The following PTPRK variants were observed in gnomAD, a reference collection of about 807,000 sequenced individuals.
The protein encoded by PTPRK is receptor-type tyrosine-protein phosphatase kappa.
A neutral mutation model predicts 178.0 loss-of-function variants in PTPRK; 75 were observed. That is an observed-to-expected ratio of 0.42 (90% CI 0.35 to 0.51). The LOEUF (loss-of-function observed/expected upper bound fraction) is 0.51. Among genes scored for constraint, PTPRK ranks in the 20% least tolerant of loss-of-function variants. The pLI is 0.02. For missense variants in PTPRK, 1,441 were observed against 1,797.8 expected, an observed-to-expected ratio of 0.80 and a Z score of 3.59; for synonymous variants, 637 against 620.6, an observed-to-expected ratio of 1.03 and a Z score of -0.39.
intron 1 of PTPRK, among the ~76,000 whole-genome samples, chr6:128,405,798 C>A (rs1841581443): frequency 6.6e-6 from 1 of 151,722 alleles, no homozygotes; most frequent in Non-Finnish European, 1.5e-5. Flanking sequence ...AATTCCGTGA[C>A]CCAACCTCCT....
At chr6:128,152,276 G>A (rs1306558122) in intron 7 of PTPRK, among the ~76,000 whole-genome samples, 2 of 152,034 alleles carry the variant, frequency 1.3e-5, no homozygotes, top group East Asian at 3.9e-4. Context: ...AGAGCCACCA[G>A]CTGCTCTCAG....
At chr6:128,460,695 A>T (rs1372376839) in intron 1 of PTPRK, among the ~76,000 whole-genome samples, 1 of 152,226 alleles carries the variant, frequency 6.6e-6, no homozygotes, top group African/African-American at 2.4e-5. Context: ...ATCAAAGCAC[A>T]CCTAATTTAA....
At chr6:128,003,493 G>T (rs955271049) in intron 15 of PTPRK, among the ~76,000 whole-genome samples, 3 of 148,746 alleles carry the variant, frequency 2.0e-5, no homozygotes, top group Non-Finnish European at 3.0e-5. Flanking sequence ...AAAAATTAAA[G>T]AAAAAAAAAC....
At chr6:128,187,865 A>C (rs1803039439) in intron 6 of PTPRK, among the ~76,000 whole-genome samples, 1 of 152,168 alleles carries the variant, frequency 6.6e-6, no homozygotes, top group Non-Finnish European at 1.5e-5. Context: ...CTACATATTA[A>C]ATTTTTATGT....
At position 128,061,558 on chromosome 6, in the gene PTPRK, A is replaced by C. The variant is rs11962898; in HGVS notation, c.2194+3200T>G. On this transcript the variant is annotated intron_variant, in intron 13 of 29. Coordinates refer to ENST00000368226, the MANE Select transcript of PTPRK (RefSeq NM_002844.4). Reference sequence around the variant, plus strand: ...CACTGGAAAGGGGGTGGGGGTTGGGAGGCAGGGGAGGGTCTGACTGTAGGG... The same window carrying C: ...CACTGGAAAGGGGGTGGGGGTTGGGCGGCAGGGGAGGGTCTGACTGTAGGG... Among the ~76,000 whole-genome samples, 61 of 148,972 alleles carry C rather than the reference A, an allele frequency of 4.1e-4. 1 individual carries two copies. Among genetic ancestry groups the C allele is most frequent in the African/African-American group, 1.5e-3 (59 of 40,652 alleles).
At chr6:128,085,715 T>A (rs936843228) in intron 8 of PTPRK, among the ~76,000 whole-genome samples, 7 of 152,248 alleles carry the variant, frequency 4.6e-5, no homozygotes, top group Admixed American at 1.3e-4. Context: ...ATTTCTATGC[T>A]CTTACAGTTT....
At chr6:128,199,777 A>G (rs1007737142) in intron 6 of PTPRK, among the ~76,000 whole-genome samples, 1 of 152,204 alleles carries the variant, frequency 6.6e-6, no homozygotes, top group Non-Finnish European at 1.5e-5. Context: ...TCTCTTGAAA[A>G]TTCCTAAATC....
In PTPRK at chr6:127,969,702, A is replaced by G. The variant is rs1773702765; in HGVS notation, c.*525T>C. On this transcript the variant is annotated 3_prime_UTR_variant, in exon 30 of 30. Transcript: ENST00000368226. Reference sequence around the variant, plus strand: ...AAGAACTTTAAATGATCCAGCCATCATTGCACATTAAAAGAAAATAAGCCA... The same window carrying G: ...AAGAACTTTAAATGATCCAGCCATCGTTGCACATTAAAAGAAAATAAGCCA... The G allele has an allele frequency of 6.6e-6, 1 of 152,104 alleles. No homozygotes were observed. The highest frequency in any genetic ancestry group is 1.5e-5 in the Non-Finnish European group (1 of 68,008). The allele number at this position is 152,104 out of a possible 1,614,324, so 9.4% of individuals were successfully genotyped here. A position where few individuals can be genotyped will look rare whatever the true frequency, so the allele number is the denominator to read the frequency against.
intron 1 of PTPRK, chr6:128,501,007 G>A (rs893710922): frequency 1.3e-5 from 2 of 152,302 alleles, no homozygotes; most frequent in African/African-American, 4.8e-5. Context: ...CTCCCAGGTA[G>A]GCTGGGACTA....
At chr6:128,417,813 G>C (rs954031904) in intron 1 of PTPRK, among the ~76,000 whole-genome samples, 6 of 152,094 alleles carry the variant, frequency 3.9e-5, no homozygotes, top group Admixed American at 1.3e-4. Flanking sequence ...ATTCCACAGG[G>C]AATCTTACGT....
intron 13 of PTPRK, among the ~76,000 whole-genome samples, chr6:128,051,438 C>T (rs550481628): frequency 2.0e-5 from 3 of 152,296 alleles, no homozygotes; most frequent in Admixed American, 6.5e-5. Flanking sequence ...TAATTGAATG[C>T]TCCCTTTTCT....
chr6:128,183,531 A>G (rs1802272954), intron 7 of PTPRK, among the ~76,000 whole-genome samples: 1 of 152,154 alleles, frequency 6.6e-6, no homozygotes, highest in Non-Finnish European at 1.5e-5. Context: ...ATGATGCTGG[A>G]CTAAAAAATA....
rs765381074 is a variant in PTPRK, at chr6:128,005,164, C to T, written c.2414G>A (p.Ser805Asn). The change falls in exon 15 of 30, where the codon AGT becomes AAT. Residue 805 changes from serine (S) to asparagine (N), a missense_variant. Ser to Asn is a conservative substitution (Grantham distance 46, BLOSUM62 1). Coordinates refer to ENST00000368226, the MANE Select transcript of PTPRK (RefSeq NM_002844.4). ...ATGCAGAGTGCTCTGATCAGCATAA[C>T]TTCGATCCATTGCATTCACCATGTG... ...MTHMVNAMDR[S>N]YADQSTLHAE... 3 of 1,611,738 alleles carry T rather than the reference C, an allele frequency of 1.9e-6. No homozygotes were observed. The highest frequency in any genetic ancestry group is 1.1e-5 in the South Asian group (1 of 90,984).
intron 6 of PTPRK, among the ~76,000 whole-genome samples, chr6:128,199,631 A>T (rs925317571): frequency 6.6e-6 from 1 of 151,962 alleles, no homozygotes; most frequent in Non-Finnish European, 1.5e-5. Context: ...GAAACAAACT[A>T]AACTCTTAAC....
chr6:128,003,913 A>G (rs940016243), intron 15 of PTPRK, among the ~76,000 whole-genome samples: 2 of 151,896 alleles, frequency 1.3e-5, no homozygotes, highest in African/African-American at 4.8e-5. Context: ...ACTCATGTAT[A>G]GCATCCTTAA....
At chr6:127,986,841 T>A (rs910609404) in intron 21 of PTPRK, among the ~76,000 whole-genome samples, 1 of 152,142 alleles carries the variant, frequency 6.6e-6, no homozygotes, top group African/African-American at 2.4e-5. Flanking sequence ...TACAAACCAA[T>A]ACCACCAAAA....
intron 2 of PTPRK, among the ~76,000 whole-genome samples, chr6:128,381,530 T>C (rs1320262029): frequency 1.3e-5 from 2 of 152,148 alleles, no homozygotes; most frequent in African/African-American, 2.4e-5. Flanking sequence ...CAATTTCTTA[T>C]AGATTAATGA....
At chr6:128,453,627 G>A (rs748062043) in intron 1 of PTPRK, among the ~76,000 whole-genome samples, 47 of 152,110 alleles carry the variant, frequency 3.1e-4, no homozygotes, top group Non-Finnish European at 5.4e-4. Flanking sequence ...GAAATGCTTC[G>A]AAAGAAATCC....
At chr6:128,216,307 C>T (rs763432424) in intron 6 of PTPRK, among the ~76,000 whole-genome samples, 12 of 151,862 alleles carry the variant, frequency 7.9e-5, no homozygotes, top group East Asian at 1.9e-4. Flanking sequence ...GAGGCTGAGA[C>T]GGATGGATCA....
Sources: gnomAD v4.1 joint callset for allele counts (sites outside exome capture counted in the v4.1 genomes callset) on GRCh38, gnomAD v4.1.1 for gene constraint, MANE v1.5 for transcripts, NCBI Gene and HGNC (gene_info 2026-07-23, HGNC 2026-07-21) for gene names.